Variants in SIPA1L3 observed in about 807,000 individuals in gnomAD.
SIPA1L3 encodes signal-induced proliferation-associated 1-like protein 3.
In SIPA1L3, 59 loss-of-function variants were observed where a neutral mutation model predicts 150.1. That is an observed-to-expected ratio of 0.39 (90% confidence interval 0.32 to 0.49). The LOEUF (loss-of-function observed/expected upper bound fraction) is 0.49, where lower values mean the gene tolerates loss of function less well. Among genes scored for constraint, SIPA1L3 ranks in the 20% least tolerant of loss-of-function variants. The pLI is 0.86. For missense variants in SIPA1L3, 2,211 were observed against 2,489.5 expected (o/e 0.89, Z 2.38); for synonymous variants, 1,070 against 1,077.6 (o/e 0.99, Z 0.14).
At chr19:38,098,108 C>T (rs1257694570) in intron 4 of SIPA1L3, among the ~76,000 whole-genome samples, 1 of 152,180 alleles carries the variant, frequency 6.6e-6, no homozygotes, top group African/African-American at 2.4e-5. Flanking sequence ...GAGCACAGTG[C>T]AGTGAACTGC....
intron 8 of SIPA1L3, among the ~76,000 whole-genome samples, chr19:38,116,286 G>A (rs2145888466): frequency 6.6e-6 from 1 of 152,108 alleles, no homozygotes; most frequent in East Asian, 1.9e-4. Context: ...GAGGCGGGCG[G>A]ATCATGAGGT....
intron 8 of SIPA1L3, among the ~76,000 whole-genome samples, chr19:38,113,773 A>G (rs922558459): frequency 3.3e-5 from 5 of 152,164 alleles, no homozygotes; most frequent in Admixed American, 1.3e-4. Context: ...ACCTGGCCCA[A>G]ATGTTGCAGG....
intron 4 of SIPA1L3, among the ~76,000 whole-genome samples, chr19:38,094,418 A>G (rs1308342768): frequency 6.6e-6 from 1 of 151,932 alleles, no homozygotes; most frequent in Non-Finnish European, 1.5e-5. Flanking sequence ...CTGGCTAATA[A>G]TTTTGTTTTA....
intron 10 of SIPA1L3, among the ~76,000 whole-genome samples, chr19:38,135,567 G>A (rs1466928696): frequency 1.3e-5 from 2 of 152,214 alleles, no homozygotes; most frequent in African/African-American, 4.8e-5. Flanking sequence ...AAACATGCAG[G>A]TAGGGACAAA....
intron 15 of SIPA1L3, among the ~76,000 whole-genome samples, chr19:38,182,166 A>G (rs1420232353): frequency 1.3e-5 from 2 of 148,590 alleles, no homozygotes; most frequent in Non-Finnish European, 3.0e-5. Flanking sequence ...TTAGGAAGGA[A>G]ATAGAGCAAA....
intron 9 of SIPA1L3, among the ~76,000 whole-genome samples, chr19:38,120,938 A>G (rs942452610): frequency 6.6e-6 from 1 of 152,228 alleles, no homozygotes; most frequent in African/African-American, 2.4e-5. Context: ...ATCTAGTCAG[A>G]AGGCCTGGCT....
At chr19:38,133,375 C>A (rs1333915927) in intron 10 of SIPA1L3, among the ~76,000 whole-genome samples, 1 of 152,242 alleles carries the variant, frequency 6.6e-6, no homozygotes, top group Non-Finnish European at 1.5e-5. Flanking sequence ...GGCTGGAATG[C>A]TTCTAAAAAG....
rs750311361 is a variant in SIPA1L3 at position 38,162,318 on chromosome 19, C to T, written c.3727C>T (p.His1243Tyr). Residue 1243 changes from histidine (H) to tyrosine (Y), a missense_variant, in exon 14 of 22, where the codon CAC (histidine) becomes TAC (tyrosine). By Grantham distance (83) the His-to-Tyr change is moderately conservative. Transcript: ENST00000222345. ...SAIAGSSGNK[H>Y]PSRQDAAGKD... ...CATAGCCGGAAGCAGCGGGAACAAGCACCCGTCCAGGCAGGATGCAGCAGG... is the reference window on the plus strand; with the variant it reads ...CATAGCCGGAAGCAGCGGGAACAAGTACCCGTCCAGGCAGGATGCAGCAGG... The T allele has an allele frequency of 3.4e-5, 55 of 1,614,158 alleles. No homozygotes were observed. The highest frequency in any genetic ancestry group is 4.7e-5 in the Non-Finnish European group (55 of 1,180,054).
intron 1 of SIPA1L3, among the ~76,000 whole-genome samples, chr19:38,001,811 G>A (rs776766374): frequency 3.9e-5 from 6 of 152,190 alleles, no homozygotes; most frequent in Non-Finnish European, 7.4e-5. Context: ...AACTTTTATT[G>A]TGGCACAATA....
intron 15 of SIPA1L3, among the ~76,000 whole-genome samples, chr19:38,169,810 G>A (rs959782458): frequency 1.3e-5 from 2 of 152,206 alleles, no homozygotes; most frequent in African/African-American, 4.8e-5. Flanking sequence ...AGCCCAGAGG[G>A]GTCAGGTCAA....
chr19:37,987,523 C>T (rs1967386113), intron 1 of SIPA1L3, among the ~76,000 whole-genome samples: 1 of 152,154 alleles, frequency 6.6e-6, no homozygotes, highest in Non-Finnish European at 1.5e-5. Context: ...CATCCCTGGC[C>T]TCTACCCACT....
intron 10 of SIPA1L3, among the ~76,000 whole-genome samples, chr19:38,136,183 C>CAA (rs56146390): frequency 0.07 from 3,075 of 43,866 alleles, 567 homozygotes; most frequent in African/African-American, 0.22. Flanking sequence ...GAGACTGTCT[C>CAA]AAAAAAAAAA....
intron 1 of SIPA1L3, among the ~76,000 whole-genome samples, chr19:37,998,596 A>G (rs1568494725): frequency 1.3e-5 from 2 of 152,186 alleles, no homozygotes; most frequent in Admixed American, 1.3e-4. Flanking sequence ...AGCCTGCGCA[A>G]CATAGCAAGA....
chr19:38,009,754 C>T (rs1003883140), intron 1 of SIPA1L3, among the ~76,000 whole-genome samples: 2 of 152,118 alleles, frequency 1.3e-5, no homozygotes, highest in African/African-American at 4.8e-5. Flanking sequence ...ACCAAGATGG[C>T]GCTCCCTGGC....
chr19:37,931,530 T>G (rs1184747175), intron 1 of SIPA1L3, among the ~76,000 whole-genome samples: 2 of 152,052 alleles, frequency 1.3e-5, no homozygotes, highest in Non-Finnish European at 2.9e-5. Flanking sequence ...GTGGACCTCC[T>G]GAGGTTGAGA....
chr19:38,013,705 A>G lies in SIPA1L3; in HGVS notation c.-378-15384A>G, dbSNP rs150079334. ...AGAATCTACCATGCAGAAGAAAAAA[A>G]CAAATAGCCTGAGTAGAAAAGGATA... On this transcript the variant is annotated intron_variant, in intron 1 of 21. Coordinates refer to ENST00000222345, the MANE Select transcript of SIPA1L3 (RefSeq NM_015073.3). Among the ~76,000 whole-genome samples, 872 of 152,384 alleles carry G rather than the reference A, an allele frequency of 5.7e-3. 32 individuals are homozygous for G. The highest frequency in any genetic ancestry group is 0.045 in the Admixed American group (685 of 15,308).
chr19:38,192,323 C>T lies in SIPA1L3; in HGVS notation c.4596+13C>T. 1 of 1,576,252 alleles carries T rather than the reference C, an allele frequency of 6.3e-7. No individual in the cohort carries two copies. The highest frequency in any genetic ancestry group is 1.2e-5 in the South Asian group (1 of 85,880). On this transcript the variant is annotated intron_variant, in intron 17 of 21. Coordinates refer to ENST00000222345, the MANE Select transcript of SIPA1L3 (RefSeq NM_015073.3). ...GAGAGACACGGGAGTACGTAGGGCC[C>T]TGTCCCCCGCTCCCGACCCCCAGCT... is the stretch of plus-strand genomic sequence containing the variant.
At chr19:37,933,926 G>GT (rs1167434973) in intron 1 of SIPA1L3, among the ~76,000 whole-genome samples, 3 of 152,178 alleles carry the variant, frequency 2.0e-5, no homozygotes. Flanking sequence ...CATCTCATAT[G>GT]TATCTCCAGC....
intron 9 of SIPA1L3, among the ~76,000 whole-genome samples, chr19:38,129,157 A>T (rs1971251246): frequency 6.6e-6 from 1 of 151,646 alleles, no homozygotes; most frequent in African/African-American, 2.4e-5. Flanking sequence ...TGCTGGGGGG[A>T]GGGGGCAGGG....
Sources: allele counts gnomAD v4.1 joint callset (sites outside exome capture counted in the v4.1 genomes callset), GRCh38; gene constraint gnomAD v4.1.1; transcripts MANE v1.5; gene names NCBI Gene and HGNC (gene_info 2026-07-23, HGNC 2026-07-21).